Variants in NPAS3 observed in about 807,000 individuals in gnomAD.
NPAS3 encodes the protein neuronal PAS domain protein 3.
In NPAS3, 14 loss-of-function variants were observed where a neutral mutation model predicts 73.1. The observed-to-expected ratio is 0.19, with a 90% CI of 0.13 to 0.30. NPAS3 has a LOEUF of 0.30. Ranked by LOEUF, NPAS3 falls within the 10% of genes least tolerant of loss-of-function variation. The probability of loss-of-function intolerance (pLI) is 1.00; values close to 1 mark genes in which losing one functional copy is unlikely to be tolerated. For synonymous variants in NPAS3, 620 were observed against 541.5 expected (o/e 1.14, Z -2.01); for missense variants, 1,096 against 1,250.0 (o/e 0.88, Z 1.86).
intron 5 of NPAS3, among the ~76,000 whole-genome samples, chr14:33,573,041 A>AG (rs2056289807): frequency 6.6e-6 from 1 of 151,786 alleles, no homozygotes. Context: ...AAAAAAAAAA[A>AG]AAGTTAATTC....
At chr14:33,380,352 G>A (rs754456660) in intron 4 of NPAS3, among the ~76,000 whole-genome samples, 1 of 152,064 alleles carries the variant, frequency 6.6e-6, no homozygotes, top group Non-Finnish European at 1.5e-5. Flanking sequence ...CTGCTTGGGG[G>A]AGGAGGGGTG....
intron 3 of NPAS3, among the ~76,000 whole-genome samples, chr14:33,248,444 G>C (rs1211317576): frequency 6.6e-6 from 1 of 152,070 alleles, no homozygotes; most frequent in Non-Finnish European, 1.5e-5. Context: ...AAATACACAA[G>C]TTTTTCACTT....
chr14:33,735,209 C>T lies in NPAS3; in HGVS notation c.734-5C>T. ...CGTGTGTGTCTGTATTTTTGTATTC[C>T]TCAGTGGAGTCAACCAGCCCCAGTC... On this transcript the variant is annotated splice_region_variant and splice_polypyrimidine_tract_variant and intron_variant, in intron 6 of 11. Coordinates refer to ENST00000356141, the Ensembl canonical transcript of NPAS3. The T allele has an allele frequency of 1.2e-6, 2 of 1,603,138 alleles. No individual in the cohort carries two copies. Among genetic ancestry groups the T allele is most frequent in the Non-Finnish European group, 1.7e-6 (2 of 1,170,186 alleles).
chr14:32,938,525 A>AGAGAGAGAGAGAGAGAGAGAGAGGGGG (rs1566779564), upstream of NPAS3, among the ~76,000 whole-genome samples: 1 of 66,256 alleles, frequency 1.5e-5, no homozygotes, highest in Non-Finnish European at 3.0e-5. Context: ...GAGAGAGAGA[A>AGAGAGAGAGAGAGAGAGAGAGAGGGGG]GGGGGGGGAG....
At chr14:33,310,820 C>CAT (rs2042972751) in intron 3 of NPAS3, among the ~76,000 whole-genome samples, 1 of 150,558 alleles carries the variant, frequency 6.6e-6, no homozygotes, top group African/African-American at 2.4e-5. Context: ...CACACACACA[C>CAT]ACACACACAC....
intron 2 of NPAS3, among the ~76,000 whole-genome samples, chr14:33,152,204 G>A (rs568608164): frequency 6.6e-6 from 1 of 152,190 alleles, no homozygotes; most frequent in African/African-American, 2.4e-5. Context: ...AATGTCAGTA[G>A]TACCAAGGTT....
chr14:33,605,393 TAAA>T (rs57109563), intron 5 of NPAS3, among the ~76,000 whole-genome samples: 4,407 of 137,366 alleles, frequency 0.032, 243 homozygotes, highest in African/African-American at 0.11. Context: ...GCATTCAAAT[TAAA>T]AAAAAAAAAA....
intron 5 of NPAS3, among the ~76,000 whole-genome samples, chr14:33,644,491 A>C (rs1456635053): frequency 6.6e-6 from 1 of 152,178 alleles, no homozygotes; most frequent in Admixed American, 6.5e-5. Flanking sequence ...GGATTTTCCT[A>C]GTGTCCTTCC....
intron 3 of NPAS3, among the ~76,000 whole-genome samples, chr14:33,239,522 C>T (rs1234536406): frequency 6.6e-6 from 1 of 151,788 alleles, no homozygotes; most frequent in Non-Finnish European, 1.5e-5. Flanking sequence ...CTGTTTTTAT[C>T]CATCAGTACC....
intron 5 of NPAS3, among the ~76,000 whole-genome samples, chr14:33,570,303 A>G (rs11849533): frequency 0.25 from 37,363 of 152,042 alleles, 4,988 homozygotes; most frequent in East Asian, 0.38. Flanking sequence ...CAACTTGGTC[A>G]TCTGGAAGAG....
intron 5 of NPAS3, among the ~76,000 whole-genome samples, chr14:33,674,737 G>C (rs550650295): frequency 6.6e-6 from 1 of 152,162 alleles, no homozygotes; most frequent in Non-Finnish European, 1.5e-5. Context: ...TAAAAGTTAC[G>C]CGAGCCTTTT....
At chr14:33,415,334 C>G (rs1466560816) in intron 4 of NPAS3, among the ~76,000 whole-genome samples, 1 of 152,070 alleles carries the variant, frequency 6.6e-6, no homozygotes, top group Non-Finnish European at 1.5e-5. Context: ...AGCCTTTCAG[C>G]CTAACTTAAC....
chr14:33,076,889 T>C (rs1215977936), intron 2 of NPAS3, among the ~76,000 whole-genome samples: 1 of 152,232 alleles, frequency 6.6e-6, no homozygotes, highest in Non-Finnish European at 1.5e-5. Flanking sequence ...TTTTGGTGTG[T>C]GATATTTTTA....
At chr14:33,337,451 A>G (rs1435386942) in intron 3 of NPAS3, among the ~76,000 whole-genome samples, 2 of 152,158 alleles carry the variant, frequency 1.3e-5, no homozygotes, top group African/African-American at 4.8e-5. Flanking sequence ...TGACATATGT[A>G]GACACATATG....
chr14:33,221,525 G>A (rs2047428109), intron 3 of NPAS3, among the ~76,000 whole-genome samples: 1 of 152,178 alleles, frequency 6.6e-6, no homozygotes, highest in East Asian at 1.9e-4. Context: ...ACTTTGGGAA[G>A]CTGCGGTGAG....
At chr14:32,978,376 A>G (rs573354526) in intron 1 of NPAS3, among the ~76,000 whole-genome samples, 1 of 152,294 alleles carries the variant, frequency 6.6e-6, no homozygotes, top group Non-Finnish European at 1.5e-5. Context: ...ATCCACATAC[A>G]ACTCAGAGAG....
chr14:33,492,425 G>A (rs1454387712), intron 4 of NPAS3, among the ~76,000 whole-genome samples: 1 of 152,102 alleles, frequency 6.6e-6, no homozygotes, highest in Admixed American at 6.6e-5. Flanking sequence ...GATAACAGCA[G>A]GCAGAGGAAG....
intron 1 of NPAS3, among the ~76,000 whole-genome samples, chr14:32,947,659 C>T (rs765815262): frequency 2.6e-5 from 4 of 151,872 alleles, no homozygotes; most frequent in Admixed American, 2.6e-4. Flanking sequence ...TTGTGTATGT[C>T]TATCTAAAAT....
chr14:33,395,598 T>G (rs994935253), intron 4 of NPAS3, among the ~76,000 whole-genome samples: 5 of 152,102 alleles, frequency 3.3e-5, no homozygotes, highest in Non-Finnish European at 5.9e-5. Context: ...ATTATGTATA[T>G]GTACAGATAG....
Sources: gnomAD v4.1 joint callset for allele counts (sites outside exome capture counted in the v4.1 genomes callset) on GRCh38, gnomAD v4.1.1 for gene constraint, MANE v1.5 for transcripts, NCBI Gene and HGNC (gene_info 2026-07-23, HGNC 2026-07-21) for gene names.